ATG4C: variants seen among roughly 807,000 people sequenced by gnomAD.
ATG4C encodes the protein autophagy related 4C cysteine peptidase.
ATG4C carries 56 observed loss-of-function variants against 57.6 expected under a neutral mutation model. That is an observed-to-expected ratio of 0.97 (90% CI 0.78 to 1.21). The LOEUF (loss-of-function observed/expected upper bound fraction) is 1.21, where lower values mean the gene tolerates loss of function less well. Among genes scored for constraint, ATG4C ranks in the 50% most tolerant of loss-of-function variants. ATG4C has a pLI of 0.00. For missense variants in ATG4C, 595 were observed against 529.8 expected, an observed-to-expected ratio of 1.12 and a Z score of -1.21; for synonymous variants, 157 against 174.1, an observed-to-expected ratio of 0.90 and a Z score of 0.78.
chr1:62,812,838 G>C (rs987565775), intron 3 of ATG4C, among the ~76,000 whole-genome samples: 1 of 152,084 alleles, frequency 6.6e-6, no homozygotes, highest in Admixed American at 6.6e-5. Flanking sequence ...TAGACAAACA[G>C]AGAGCCAAAT....
chr1:62,816,918 C>T, intron 4 of ATG4C, 110 bp downstream of exon 4: 1 of 880,892 alleles, frequency 1.1e-6, no homozygotes, highest in Non-Finnish European at 1.7e-6. Context: ...AGGTTAATTT[C>T]TTGACTGTGA....
At position 62,824,786 on chromosome 1, in the gene ATG4C, G is replaced by A. The variant is rs527514627; in HGVS notation, c.796+3577G>A. Among the ~76,000 whole-genome samples the A allele has an allele frequency of 2.6e-5, 4 of 151,498 alleles. No homozygotes were observed. In the East Asian group the frequency reaches 7.8e-4, roughly 30 times the overall value. The stretch of plus-strand genomic sequence containing the variant: ...GAGCTCAAGTGTTGCTCCTGCCTCA[G>A]CTTCCCAAGTAACTAGCATTAAAGG... On this transcript the variant is annotated intron_variant, in intron 6 of 10. Transcript: ENST00000317868.
intron 1 of ATG4C, among the ~76,000 whole-genome samples, chr1:62,793,513 G>A (rs1664354695): frequency 6.8e-6 from 1 of 146,554 alleles, no homozygotes; most frequent in Admixed American, 6.9e-5. Flanking sequence ...CTAGGGAACT[G>A]AGGTGGGAGG....
At chr1:62,798,476 G>T (rs1572098818) in intron 1 of ATG4C, among the ~76,000 whole-genome samples, 1 of 152,116 alleles carries the variant, frequency 6.6e-6, no homozygotes, top group Non-Finnish European at 1.5e-5. Context: ...TAGTTTTATA[G>T]TGTGTTTTAA....
intron 1 of ATG4C, among the ~76,000 whole-genome samples, chr1:62,792,261 C>G (rs1362751979): frequency 6.6e-6 from 1 of 152,166 alleles, no homozygotes; most frequent in African/African-American, 2.4e-5. Flanking sequence ...TCCCAAAGTG[C>G]TGGGATTACA....
At chr1:62,848,572 A>G (rs1009808291) in intron 10 of ATG4C, among the ~76,000 whole-genome samples, 1 of 152,226 alleles carries the variant, frequency 6.6e-6, no homozygotes, top group African/African-American at 2.4e-5. Context: ...AAAGTTGTAA[A>G]TATAATGCAA....
intron 7 of ATG4C, among the ~76,000 whole-genome samples, chr1:62,830,023 T>C (rs1665790583): frequency 6.6e-6 from 1 of 152,118 alleles, no homozygotes; most frequent in Admixed American, 6.6e-5. Context: ...TTATAGTCTC[T>C]ATATATTTAG....
chr1:62,852,000 C>G (rs1309082816), intron 10 of ATG4C, among the ~76,000 whole-genome samples: 3 of 152,090 alleles, frequency 2.0e-5, no homozygotes, highest in Non-Finnish European at 4.4e-5. Flanking sequence ...GCCTTGTTAC[C>G]GTGTGTTTAT....
chr1:62,804,255 T>A (rs1664781947), intron 2 of ATG4C, among the ~76,000 whole-genome samples: 1 of 150,580 alleles, frequency 6.6e-6, no homozygotes, highest in Admixed American at 6.6e-5. Context: ...CCTGGCTAAT[T>A]TTTTTTTTGT....
At chr1:62,804,094 T>C (rs1406323336) in intron 2 of ATG4C, among the ~76,000 whole-genome samples, 3 of 151,524 alleles carry the variant, frequency 2.0e-5, no homozygotes, top group African/African-American at 7.3e-5. Flanking sequence ...TTTTTCTTTT[T>C]TTTTTTTTTT....
At chr1:62,859,100 C>T (rs989637838) in intron 10 of ATG4C, among the ~76,000 whole-genome samples, 1 of 152,106 alleles carries the variant, frequency 6.6e-6, no homozygotes, top group African/African-American at 2.4e-5. Flanking sequence ...TATCCCTAAT[C>T]TGAAAATCTG....
rs751616206 is a variant in ATG4C, at chr1:62,838,204, T to G, written c.1090-3224T>G. On this transcript the variant is annotated intron_variant, in intron 9 of 10. Transcript: ENST00000317868. ...TATCAAAAAATGAAATAAATGGGAA[T>G]TGATTCTCTCTGGCCAGTATTTCCA... Among the ~76,000 whole-genome samples, 4 of 152,134 alleles carry G rather than the reference T, an allele frequency of 2.6e-5. No homozygotes were observed. The East Asian group carries it at 7.7e-4, about 29-fold the overall frequency.
chr1:62,852,797 G>A (rs776886273), intron 10 of ATG4C, among the ~76,000 whole-genome samples: 6 of 149,648 alleles, frequency 4.0e-5, no homozygotes, highest in African/African-American at 1.2e-4. Flanking sequence ...ACTACCTAGC[G>A]GTAAGTTTTT....
intron 10 of ATG4C, among the ~76,000 whole-genome samples, chr1:62,850,852 ATG>A (rs1229051307): frequency 3.2e-5 from 3 of 94,680 alleles, no homozygotes; most frequent in East Asian, 3.4e-4. Flanking sequence ...GTGTGTATGT[ATG>A]TATATATATA....
chr1:62,790,511 G>C (rs1464648155), intron 1 of ATG4C, among the ~76,000 whole-genome samples: 2 of 152,154 alleles, frequency 1.3e-5, no homozygotes, highest in African/African-American at 4.8e-5. Context: ...GGTATATATA[G>C]TCAAAATAGG....
intron 1 of ATG4C, among the ~76,000 whole-genome samples, 188 bp from the exon 2 acceptor site, chr1:62,803,531 T>G (rs537542914): frequency 6.6e-6 from 1 of 152,310 alleles, no homozygotes; most frequent in South Asian, 2.1e-4. Context: ...ATAGAATATC[T>G]TATTCTATAA....
chr1:62,864,274 T>A lies in ATG4C; in HGVS notation c.*115T>A. On this transcript the variant is annotated 3_prime_UTR_variant, in exon 11 of 11. Coordinates refer to ENST00000317868, the MANE Select transcript of ATG4C (RefSeq NM_032852.4). ...AAATATCTTAATTTTATATGTTCTTTAAAAAAGAACATTTGAAAATATAAC... is the reference window on the plus strand; with the variant it reads ...AAATATCTTAATTTTATATGTTCTTAAAAAAAGAACATTTGAAAATATAAC... The A allele has an allele frequency of 3.5e-6, 3 of 849,488 alleles. No homozygotes were observed. The African/African-American group carries it at 5.3e-5, about 15-fold the overall frequency. 52.6% of individuals were successfully genotyped at this position (849,488 alleles called of 1,614,324 possible).
intron 8 of ATG4C, 59 bp downstream of exon 8, chr1:62,834,175 A>G: frequency 1.3e-6 from 2 of 1,486,356 alleles, no homozygotes; most frequent in Non-Finnish European, 1.9e-6. Flanking sequence ...CAGAAAGTTA[A>G]TATGAGATCA....
intron 1 of ATG4C, among the ~76,000 whole-genome samples, chr1:62,796,201 G>T (rs1664458547): frequency 2.7e-4 from 26 of 96,486 alleles, no homozygotes; most frequent in African/African-American, 5.3e-4. Flanking sequence ...TTCCTCATTT[G>T]TGTGGGTTTT....
Sources: gnomAD v4.1 joint callset for allele counts (sites outside exome capture counted in the v4.1 genomes callset) on GRCh38, gnomAD v4.1.1 for gene constraint, MANE v1.5 for transcripts, NCBI Gene and HGNC (gene_info 2026-07-23, HGNC 2026-07-21) for gene names.